NMNAT1: variants seen among roughly 807,000 people sequenced by gnomAD.
The protein encoded by NMNAT1 is nicotinamide/nicotinic acid mononucleotide adenylyltransferase 1.
In NMNAT1, 11 loss-of-function variants were observed where a neutral mutation model predicts 16.7. The observed-to-expected ratio is 0.66, with a 90% CI of 0.41 to 1.09. NMNAT1 has a LOEUF of 1.09. Among genes scored for constraint, NMNAT1 ranks in the 50% least tolerant of loss-of-function variants. NMNAT1 has a pLI of 0.00. For missense variants in NMNAT1, 280 were observed against 332.3 expected (o/e 0.84, Z 1.22); for synonymous variants, 110 against 119.8 (o/e 0.92, Z 0.53).
chr1:9,971,278 T>C (rs1641681405), intron 1 of NMNAT1, among the ~76,000 whole-genome samples: 1 of 152,170 alleles, frequency 6.6e-6, no homozygotes, highest in Admixed American at 6.6e-5. Flanking sequence ...GATGGAGATG[T>C]GGAAACATTT....
At chr1:9,965,648 CTGCTT>C (rs912343993) in intron 1 of NMNAT1, among the ~76,000 whole-genome samples, 7 of 152,034 alleles carry the variant, frequency 4.6e-5, no homozygotes, top group African/African-American at 1.7e-4. Context: ...AGCGATCTCT[CTGCTT>C]TGACCTCCCA....
chr1:9,943,455 C>G (rs1453623225), upstream of NMNAT1: 1 of 152,278 alleles, frequency 6.6e-6, no homozygotes, highest in Non-Finnish European at 1.5e-5. Flanking sequence ...GTTCCACTCG[C>G]TGGCGTCCGG....
At chr1:9,970,085 GAGA>G (rs917967142) in intron 1 of NMNAT1, among the ~76,000 whole-genome samples, 4 of 152,208 alleles carry the variant, frequency 2.6e-5, no homozygotes, top group African/African-American at 9.6e-5. Context: ...GAAGTTGTGA[GAGA>G]AGATGATTTT....
chr1:9,992,608 C>T, the NMNAT1 span, among the ~76,000 whole-genome samples: 1 of 152,030 alleles, frequency 6.6e-6, no homozygotes. Context: ...GAGACCATGA[C>T]TAGAAAAGAC....
intron 1 of NMNAT1, among the ~76,000 whole-genome samples, chr1:9,960,502 A>C (rs189173470): frequency 6.6e-6 from 1 of 151,934 alleles, no homozygotes; most frequent in Non-Finnish European, 1.5e-5. Flanking sequence ...TCTCTACCAA[A>C]AATAATAATA....
chr1:9,946,977 T>C (rs928871414), intron 1 of NMNAT1, among the ~76,000 whole-genome samples: 12 of 152,156 alleles, frequency 7.9e-5, no homozygotes, highest in Non-Finnish European at 1.5e-4. Context: ...TATTTTAGTA[T>C]GACAGCCCAA....
chr1:9,987,437 A>C (rs1042970228), downstream of NMNAT1, among the ~76,000 whole-genome samples: 2 of 151,918 alleles, frequency 1.3e-5, no homozygotes, highest in East Asian at 3.9e-4. Flanking sequence ...TCAGGAGATC[A>C]AGACCATCCT....
chr1:9,948,444 G>T (rs539461632), intron 1 of NMNAT1, among the ~76,000 whole-genome samples: 1 of 152,114 alleles, frequency 6.6e-6, no homozygotes, highest in African/African-American at 2.4e-5. Context: ...AGGTCTGGTG[G>T]GGCATACCTG....
At chr1:9,964,677 G>A (rs993162671) in intron 1 of NMNAT1, among the ~76,000 whole-genome samples, 11 of 152,016 alleles carry the variant, frequency 7.2e-5, no homozygotes, top group African/African-American at 2.7e-4. Context: ...GGCCAGGCAC[G>A]GTGGCTCATG....
intron 2 of NMNAT1, 70 bp downstream of exon 2, chr1:9,972,258 C>T: frequency 1.3e-6 from 1 of 795,720 alleles, no homozygotes; most frequent in Admixed American, 1.9e-5. Flanking sequence ...CACCTGCAAT[C>T]CCAGCATTTT....
intron 1 of NMNAT1, among the ~76,000 whole-genome samples, chr1:9,957,933 C>T (rs75283166): frequency 0.018 from 2,684 of 152,252 alleles, 34 homozygotes; most frequent in Non-Finnish European, 0.027. Flanking sequence ...CATAAGCTAA[C>T]GCTAGACCGT....
At chr1:9,978,137 A>G (rs987142343) in intron 3 of NMNAT1, among the ~76,000 whole-genome samples, 1 of 152,152 alleles carries the variant, frequency 6.6e-6, no homozygotes, top group South Asian at 2.1e-4. Flanking sequence ...TGGGTGGATC[A>G]CCTGAGGTCA....
Position 9,984,345 on chromosome 1 carries a change from C to G in NMNAT1, c.*1644C>G, listed in dbSNP as rs1642010521. 1 of 152,216 alleles carries G rather than the reference C, an allele frequency of 6.6e-6. No homozygotes were observed. The highest frequency in any genetic ancestry group is 1.5e-5 in the Non-Finnish European group (1 of 68,114). 9.4% of individuals were successfully genotyped at this position (152,216 alleles called of 1,614,324 possible). ...TACAGGCATGAGCCACTGCACCCAG[C>G]CTGATCCTATTGTTGCACTATTTAT... On this transcript the variant is annotated 3_prime_UTR_variant, in exon 5 of 5. Coordinates refer to ENST00000377205, the MANE Select transcript of NMNAT1 (RefSeq NM_022787.4).
At chr1:9,970,539 A>G (rs1641664226) in intron 1 of NMNAT1, among the ~76,000 whole-genome samples, 1 of 152,006 alleles carries the variant, frequency 6.6e-6, no homozygotes, top group Admixed American at 6.6e-5. Context: ...AATACAAAAA[A>G]TTAGGCAGGT....
chr1:9,966,335 G>A (rs551557505), intron 1 of NMNAT1, among the ~76,000 whole-genome samples: 3 of 151,554 alleles, frequency 2.0e-5, no homozygotes, highest in Non-Finnish European at 4.4e-5. Flanking sequence ...ATTATTGACC[G>A]GGCGCGGTGG....
downstream of NMNAT1, among the ~76,000 whole-genome samples, chr1:9,990,076 A>G (rs1244944766): frequency 2.6e-5 from 4 of 152,246 alleles, no homozygotes; most frequent in African/African-American, 9.6e-5. Context: ...GCGCCCCTGC[A>G]TTCCAGTTCC....
intron 1 of NMNAT1, among the ~76,000 whole-genome samples, chr1:9,970,430 C>T (rs184588754): frequency 1.3e-5 from 2 of 152,056 alleles, no homozygotes; most frequent in African/African-American, 2.4e-5. Flanking sequence ...CGCAGTGGCT[C>T]ACGCCTGTAA....
chr1:9,943,989 T>C (rs755233493), intron 1 of NMNAT1, among the ~76,000 whole-genome samples: 67 of 152,170 alleles, frequency 4.4e-4, no homozygotes, highest in Admixed American at 9.8e-4. Flanking sequence ...GCGCGGTGGC[T>C]CACGCCTGTA....
chr1:9,994,101 C>CTTTTT, the NMNAT1 span, among the ~76,000 whole-genome samples: 2 of 106,204 alleles, frequency 1.9e-5, no homozygotes, highest in African/African-American at 9.2e-5. Context: ...CAAATGTTAG[C>CTTTTT]TTTTTTTTTT....
Sources: allele counts gnomAD v4.1 joint callset (sites outside exome capture counted in the v4.1 genomes callset), GRCh38; gene constraint gnomAD v4.1.1; transcripts MANE v1.5; gene names NCBI Gene and HGNC (gene_info 2026-07-23, HGNC 2026-07-21).